The following NCAPH variants were observed in gnomAD, a reference collection of about 807,000 sequenced individuals.
The protein encoded by NCAPH is non-SMC condensin I complex subunit H.
Under a neutral mutation model 85.5 loss-of-function variants are expected in NCAPH, and 38 were observed. The observed-to-expected ratio is 0.44, with a 90% confidence interval of 0.34 to 0.58. NCAPH has a LOEUF of 0.58. Ranked by LOEUF, NCAPH falls within the 20% of genes least tolerant of loss-of-function variation. The pLI, the probability that NCAPH is intolerant of heterozygous loss-of-function variation, is 0.01. For missense variants in NCAPH, 789 were observed against 916.6 expected, an observed-to-expected ratio of 0.86 and a Z score of 1.80; for synonymous variants, 301 against 335.1, an observed-to-expected ratio of 0.90 and a Z score of 1.11.
intron 4 of NCAPH, 72 bp downstream of exon 4, chr2:96,342,920 G>A (rs2064314958): frequency 2.2e-6 from 3 of 1,363,078 alleles, no homozygotes; most frequent in African/African-American, 2.9e-5. Context: ...GCATAACACA[G>A]TTGAATGCTG....
intron 17 of NCAPH, among the ~76,000 whole-genome samples, chr2:96,372,959 T>A (rs2064793304): frequency 6.6e-6 from 1 of 152,128 alleles, no homozygotes; most frequent in African/African-American, 2.4e-5. Context: ...ACTGACTATA[T>A]GTATGTGTTG....
intron 12 of NCAPH, among the ~76,000 whole-genome samples, chr2:96,361,802 ATGTGTATATATATATATATATATATAT>A (rs2064621416): frequency 3.0e-5 from 3 of 101,360 alleles, no homozygotes; most frequent in African/African-American, 1.1e-4. Flanking sequence ...ATGTATATAT[ATGTGTATATATATATATATATATATAT>A]TTTTTTTTTT....
At position 96,376,891 on chromosome 2, in the gene NCAPH, C is replaced by G. The variant is rs2064837901; in HGVS notation, c.*3540C>G. ...GATAGCACAATAGGGTGACTATAGT[C>G]AATAATAACAATTGTATATTTTAAA... On this transcript the variant is annotated 3_prime_UTR_variant, in exon 18 of 18. Coordinates refer to ENST00000240423, the MANE Select transcript of NCAPH (RefSeq NM_015341.5). 1.3e-5 allele frequency among the ~76,000 whole-genome samples: 2 copies of G among 151,798 alleles called. No individual in the cohort carries two copies. Among genetic ancestry groups the G allele is most frequent in the Non-Finnish European group, 2.9e-5 (2 of 67,964 alleles).
chr2:96,364,507 G>T lies in NCAPH; in HGVS notation c.1614G>T (p.Arg538Ser). The T allele has an allele frequency of 6.2e-7, 1 of 1,612,336 alleles. No individual in the cohort carries two copies. The change falls in exon 13 of 18, where the codon AGG becomes AGT. Residue 538 changes from arginine (R) to serine (S), a missense_variant. Physicochemically the swap from Arg to Ser is moderately radical, Grantham distance 110. Coordinates refer to ENST00000240423, the MANE Select transcript of NCAPH (RefSeq NM_015341.5). The part of the protein sequence containing the change: ...TRLLKMAQGH[R>S]VETEHYEEIE... ...TACTTAAGATGGCCCAGGGCCATAG[G>T]GTAGAGACTGAGCATTATGAAGAAA... is the stretch of plus-strand genomic sequence containing the variant.
chr2:96,340,152 A>C (rs767626585), intron 1 of NCAPH, among the ~76,000 whole-genome samples: 1 of 151,570 alleles, frequency 6.6e-6, no homozygotes, highest in Non-Finnish European at 1.5e-5. Flanking sequence ...CGAACTCCTG[A>C]CCTCATGTGA....
intron 6 of NCAPH, among the ~76,000 whole-genome samples, chr2:96,345,738 A>G (rs575730840): frequency 4.3e-4 from 66 of 152,314 alleles, no homozygotes; most frequent in African/African-American, 1.6e-3. Context: ...TGGGGTGGGG[A>G]GAGAGATATA....
chr2:96,340,427 G>A (rs1285351961), intron 1 of NCAPH, among the ~76,000 whole-genome samples: 1 of 83,960 alleles, frequency 1.2e-5, no homozygotes, highest in Non-Finnish European at 2.2e-5. Flanking sequence ...TTTCACTCTT[G>A]TTGCCTGGGT....
chr2:96,345,714 C>A (rs1305837742), intron 6 of NCAPH, among the ~76,000 whole-genome samples: 1 of 152,146 alleles, frequency 6.6e-6, no homozygotes, highest in Non-Finnish European at 1.5e-5. Context: ...ATGAGGATTA[C>A]TGACAAAAGA....
chr2:96,349,765 C>T (rs150522122), intron 6 of NCAPH, among the ~76,000 whole-genome samples: 1,660 of 152,314 alleles, frequency 0.011, 10 homozygotes, highest in Middle Eastern at 0.037. Flanking sequence ...TTGGACACAG[C>T]TCTTTGGTAT....
In NCAPH at chr2:96,351,977, C is replaced by T. The variant is rs773957779; in HGVS notation, c.867C>T (p.Leu289=). 76 of 1,613,934 alleles carry T rather than the reference C, an allele frequency of 4.7e-5. No homozygotes were observed. The highest frequency in any genetic ancestry group is 6.1e-5 in the Non-Finnish European group (72 of 1,179,990). ...DVQTLSTGEP[L]ELPELGCVEM... is the part of the protein sequence containing the mutation. ...AGACTCTCTCCACGGGAGAACCTCTCGAGTTGCCAGAGTTAGGTTGTGTAG... is the reference window on the plus strand; with the variant it reads ...AGACTCTCTCCACGGGAGAACCTCTTGAGTTGCCAGAGTTAGGTTGTGTAG... The change falls in exon 7 of 18, where the codon CTC becomes CTT. Residue 289 remains leucine, a synonymous_variant. Coordinates refer to ENST00000240423, the MANE Select transcript of NCAPH (RefSeq NM_015341.5).
chr2:96,335,918 T>TGGCGGGCTGGCCTG, intron 1 of NCAPH, 70 bp downstream of exon 1: 1 of 1,318,362 alleles, frequency 7.6e-7, no homozygotes, highest in Admixed American at 3.9e-5. Context: ...CGGGCAGGGC[T>TGGCGGGCTGGCCTG]GGCGGGCTGG....
At chr2:96,358,757 C>A (rs1020757849) in intron 9 of NCAPH, among the ~76,000 whole-genome samples, 1 of 152,128 alleles carries the variant, frequency 6.6e-6, no homozygotes, top group East Asian at 1.9e-4. Context: ...CGTGAGCCAC[C>A]GCGCCCAGCC....
chr2:96,366,730 A>ACGG, intron 14 of NCAPH, among the ~76,000 whole-genome samples: 2 of 152,042 alleles, frequency 1.3e-5, no homozygotes. Flanking sequence ...TACAAAAATT[A>ACGG]GCTGGGCATG....
chr2:96,369,904 G>A (rs948809614), intron 17 of NCAPH, among the ~76,000 whole-genome samples: 4 of 152,204 alleles, frequency 2.6e-5, no homozygotes, highest in African/African-American at 9.6e-5. Flanking sequence ...AACAGTTGCA[G>A]AAAGAGAAGA....
Position 96,342,827 on chromosome 2 carries a change from C to T in NCAPH, c.435C>T (p.Asp145=), listed in dbSNP as rs1187220840. 8 of 1,612,514 alleles carry T rather than the reference C, an allele frequency of 5.0e-6. No individual in the cohort carries two copies. The highest frequency in any genetic ancestry group is 5.9e-6 in the Non-Finnish European group (7 of 1,179,098). The change falls in exon 4 of 18, where the codon GAC becomes GAT. Residue 145 remains aspartate, a synonymous_variant. Transcript: ENST00000240423. The part of the protein sequence containing the change: ...DFMSEILKQK[D]TEPTNFKVAA... ...TGTCAGAGATTCTTAAACAGAAAGA[C>T]ACCGAACCAACCAACTTTAAAGTAA...
chr2:96,346,646 G>C (rs190009007), intron 6 of NCAPH, among the ~76,000 whole-genome samples: 1 of 152,140 alleles, frequency 6.6e-6, no homozygotes, highest in South Asian at 2.1e-4. Flanking sequence ...TGTAGGCCTG[G>C]TGGGGTCAAA....
intron 7 of NCAPH, among the ~76,000 whole-genome samples, chr2:96,352,278 T>C (rs1180492109): frequency 2.0e-5 from 3 of 152,176 alleles, no homozygotes; most frequent in African/African-American, 7.2e-5. Flanking sequence ...GTGCCCACTG[T>C]TTGCAGTCAG....
intron 13 of NCAPH, 26 bp downstream of exon 13, chr2:96,364,617 C>T (rs1383558248): frequency 6.6e-7 from 1 of 1,512,760 alleles, no homozygotes. Flanking sequence ...GGGCTCTGTC[C>T]TCTCTTCTAA....
At chr2:96,370,072 C>T (rs2064752510) in intron 17 of NCAPH, among the ~76,000 whole-genome samples, 2 of 152,136 alleles carry the variant, frequency 1.3e-5, no homozygotes. Context: ...CAGAGGAGGG[C>T]ACTCATTTTC....
Sources: gnomAD v4.1 joint callset for allele counts (sites outside exome capture counted in the v4.1 genomes callset) on GRCh38, gnomAD v4.1.1 for gene constraint, MANE v1.5 for transcripts, NCBI Gene and HGNC (gene_info 2026-07-23, HGNC 2026-07-21) for gene names.